ADAMTSL1: variants seen among roughly 807,000 people sequenced by gnomAD.
ADAMTSL1 encodes the protein ADAMTS like 1.
In ADAMTSL1, 126 loss-of-function variants were observed where a neutral mutation model predicts 201.8. The observed-to-expected ratio is 0.62, with a 90% confidence interval of 0.54 to 0.72. The LOEUF is 0.72. Among genes scored for constraint, ADAMTSL1 ranks in the 30% least tolerant of loss-of-function variants. ADAMTSL1 has a pLI of 0.00. For missense variants in ADAMTSL1, 2,679 were observed against 2,277.8 expected, an observed-to-expected ratio of 1.18 and a Z score of -3.59; for synonymous variants, 1,121 against 903.4, an observed-to-expected ratio of 1.24 and a Z score of -4.32.
At chr9:18,094,010 T>C (rs1824135230) in intron 1 of ADAMTSL1, among the ~76,000 whole-genome samples, 1 of 152,164 alleles carries the variant, frequency 6.6e-6, no homozygotes, top group South Asian at 2.1e-4. Context: ...GTTTGGGAGT[T>C]GATCCATCAT....
In ADAMTSL1 at chr9:18,908,621, G is replaced by A. The variant is rs1830442593; in HGVS notation, c.*73G>A. The A allele has an allele frequency of 3.3e-6, 4 of 1,212,520 alleles. No individual in the cohort carries two copies. The East Asian group carries it at 1.0e-4, about 31-fold the overall frequency. 75.1% of individuals were successfully genotyped at this position (1,212,520 alleles called of 1,614,324 possible). A position where few individuals can be genotyped will look rare whatever the true frequency, so the allele number is the denominator to read the frequency against. Reference sequence around the variant, plus strand: ...CGCAACCACCTCGGACAGAACCTAAGCTTTCTTCATTTTATTTATTTATTT... The same window carrying A: ...CGCAACCACCTCGGACAGAACCTAAACTTTCTTCATTTTATTTATTTATTT... On this transcript the variant is annotated 3_prime_UTR_variant, in exon 29 of 29. Coordinates refer to ENST00000380548, the MANE Select transcript of ADAMTSL1 (RefSeq NM_001040272.6).
At chr9:18,358,956 T>G (rs1177524108) in intron 2 of ADAMTSL1, among the ~76,000 whole-genome samples, 8 of 152,050 alleles carry the variant, frequency 5.3e-5, no homozygotes, top group African/African-American at 1.9e-4. Context: ...ACATTCAGAG[T>G]CATGGAGGGT....
chr9:18,274,521 A>G (rs1478198151), intron 2 of ADAMTSL1, among the ~76,000 whole-genome samples: 1 of 152,184 alleles, frequency 6.6e-6, no homozygotes, highest in Non-Finnish European at 1.5e-5. Flanking sequence ...TTCATAATAC[A>G]ACAGAAATAG....
chr9:18,855,119 T>A (rs1402131970), intron 23 of ADAMTSL1, among the ~76,000 whole-genome samples: 1 of 152,094 alleles, frequency 6.6e-6, no homozygotes, highest in African/African-American at 2.4e-5. Context: ...AGATTTGGGT[T>A]TTCCATTCCA....
intron 1 of ADAMTSL1, among the ~76,000 whole-genome samples, chr9:18,102,643 A>G (rs1310085531): frequency 1.3e-5 from 2 of 152,148 alleles, no homozygotes. Context: ...ATCCAACAGG[A>G]GGGCTGGTTT....
chr9:18,389,154 CTTT>C (rs148610608), intron 2 of ADAMTSL1, among the ~76,000 whole-genome samples: 3,759 of 150,590 alleles, frequency 0.025, 167 homozygotes, highest in African/African-American at 0.087. Flanking sequence ...TCTCAGATTT[CTTT>C]TTATTTCAAT....
chr9:18,334,818 A>T (rs1438746623), intron 2 of ADAMTSL1, among the ~76,000 whole-genome samples: 1 of 152,190 alleles, frequency 6.6e-6, no homozygotes, highest in Non-Finnish European at 1.5e-5. Context: ...AAAAGGAAGG[A>T]TTCTAATTCA....
chr9:18,851,090 T>G (rs1001434537), intron 23 of ADAMTSL1, among the ~76,000 whole-genome samples: 1 of 152,166 alleles, frequency 6.6e-6, no homozygotes, highest in African/African-American at 2.4e-5. Context: ...AATTATAGGA[T>G]CAGAACTTGA....
intron 23 of ADAMTSL1, among the ~76,000 whole-genome samples, chr9:18,839,023 CT>C (rs35271640): frequency 2.6e-4 from 38 of 144,376 alleles, no homozygotes; most frequent in Admixed American, 4.1e-4. Flanking sequence ...GCACACTCTC[CT>C]TTTTTTTTTT....
chr9:18,845,705 A>G (rs1249587048), intron 23 of ADAMTSL1, among the ~76,000 whole-genome samples: 1 of 152,232 alleles, frequency 6.6e-6, no homozygotes, highest in East Asian at 1.9e-4. Context: ...CATCCCTGCT[A>G]AGAGCGGCAA....
intron 1 of ADAMTSL1, among the ~76,000 whole-genome samples, chr9:17,928,975 T>C (rs1168295199): frequency 1.3e-5 from 2 of 152,158 alleles, no homozygotes; most frequent in East Asian, 3.9e-4. Context: ...ACAAAACAGT[T>C]ATGTAGACTT....
intron 19 of ADAMTSL1, among the ~76,000 whole-genome samples, chr9:18,791,553 G>C (rs1822056741): frequency 6.6e-6 from 1 of 152,086 alleles, no homozygotes; most frequent in Non-Finnish European, 1.5e-5. Context: ...AAAAACATGA[G>C]ATTCTACTTC....
At chr9:18,227,275 A>G (rs1290872812) in intron 2 of ADAMTSL1, among the ~76,000 whole-genome samples, 2 of 152,148 alleles carry the variant, frequency 1.3e-5, no homozygotes, top group African/African-American at 2.4e-5. Context: ...TACCATGTAT[A>G]TGATGCTTGG....
intron 2 of ADAMTSL1, among the ~76,000 whole-genome samples, chr9:18,313,332 G>T (rs560547147): frequency 8.5e-5 from 13 of 152,238 alleles, no homozygotes; most frequent in African/African-American, 2.9e-4. Flanking sequence ...TAAGGCCCCA[G>T]GTGATTCACT....
chr9:18,151,017 C>T (rs987884013), intron 1 of ADAMTSL1, among the ~76,000 whole-genome samples: 1 of 151,888 alleles, frequency 6.6e-6, no homozygotes, highest in Non-Finnish European at 1.5e-5. Context: ...CCGGGAAGTG[C>T]AGTGGATGTG....
At chr9:18,531,884 T>C (rs889699328) in intron 2 of ADAMTSL1, among the ~76,000 whole-genome samples, 6 of 152,312 alleles carry the variant, frequency 3.9e-5, no homozygotes, top group South Asian at 2.1e-4. Context: ...TTTCAAATTT[T>C]AGCTCTACAA....
chr9:18,113,468 G>A (rs576234563), intron 1 of ADAMTSL1, among the ~76,000 whole-genome samples: 2 of 152,224 alleles, frequency 1.3e-5, no homozygotes, highest in South Asian at 4.1e-4. Context: ...AGAAAGTCAA[G>A]GTCCAGGGTC....
chr9:18,059,521 A>G (rs1222845977), intron 1 of ADAMTSL1, among the ~76,000 whole-genome samples: 1 of 152,208 alleles, frequency 6.6e-6, no homozygotes, highest in African/African-American at 2.4e-5. Flanking sequence ...AGTAAAATTT[A>G]TCATATGACT....
intron 1 of ADAMTSL1, among the ~76,000 whole-genome samples, chr9:18,141,565 C>G (rs1199124058): frequency 6.6e-6 from 1 of 152,194 alleles, no homozygotes; most frequent in African/African-American, 2.4e-5. Context: ...GTGTCTAGCA[C>G]CCTACCTGCA....
Sources: allele counts gnomAD v4.1 joint callset (sites outside exome capture counted in the v4.1 genomes callset), GRCh38; gene constraint gnomAD v4.1.1; transcripts MANE v1.5; gene names NCBI Gene and HGNC (gene_info 2026-07-23, HGNC 2026-07-21).